DNAH2: variants seen among roughly 807,000 people sequenced by gnomAD.
DNAH2 encodes the protein dynein axonemal heavy chain 2, also known as axonemal beta dynein heavy chain 2.
A neutral mutation model predicts 523.5 loss-of-function variants in DNAH2; 323 were observed. That is an observed-to-expected ratio of 0.62 (90% CI 0.56 to 0.68). The LOEUF is 0.68. DNAH2 is among the 30% of genes least tolerant of loss of function. DNAH2 has a pLI of 0.00. For missense variants in DNAH2, 4,907 were observed against 5,701.5 expected (o/e 0.86, Z 4.49); for synonymous variants, 2,093 against 2,177.4 (o/e 0.96, Z 1.08).
chr17:7,754,609 T>A lies in DNAH2; in HGVS notation c.1905-2482T>A. Reference sequence around the variant, plus strand: ...CCACGTGCCGAGGCTCTCAAGGCCCTCGTAAAGCCCAAGGAGGTTAAGCCC... The same window carrying A: ...CCACGTGCCGAGGCTCTCAAGGCCCACGTAAAGCCCAAGGAGGTTAAGCCC... On this transcript the variant is annotated intron_variant, in intron 12 of 85. Coordinates refer to ENST00000572933, the MANE Select transcript of DNAH2 (RefSeq NM_020877.5). The surrounding 1 kb of genome is among the most constrained non-coding windows in gnomAD (Gnocchi z 4.6). 6.6e-7 allele frequency: 1 copy of A among 1,508,770 alleles called. No individual in the cohort carries two copies. Among genetic ancestry groups the A allele is most frequent in the Non-Finnish European group, 9.1e-7 (1 of 1,100,502 alleles). The allele number at this position is 1,508,770 out of a possible 1,614,324, so 93.5% of individuals were successfully genotyped here. A position where few individuals can be genotyped will look rare whatever the true frequency, so the allele number is the denominator to read the frequency against.
chr17:7,754,597 C>G lies in DNAH2; in HGVS notation c.1905-2494C>G. Reference sequence around the variant, plus strand: ...AAGGCCATGAGTCCACGTGCCGAGGCTCTCAAGGCCCTCGTAAAGCCCAAG... The same window carrying G: ...AAGGCCATGAGTCCACGTGCCGAGGGTCTCAAGGCCCTCGTAAAGCCCAAG... On this transcript the variant is annotated intron_variant, in intron 12 of 85. Coordinates refer to ENST00000572933, the MANE Select transcript of DNAH2 (RefSeq NM_020877.5). The surrounding 1 kb of genome is among the most constrained non-coding windows in gnomAD (Gnocchi z 4.6). 1 of 1,501,914 alleles carries G rather than the reference C, an allele frequency of 6.7e-7. No homozygotes were observed. Among genetic ancestry groups the G allele is most frequent in the Non-Finnish European group, 9.1e-7 (1 of 1,093,984 alleles). 93.0% of individuals were successfully genotyped at this position (1,501,914 alleles called of 1,614,324 possible). A position where few individuals can be genotyped will look rare whatever the true frequency, so the allele number is the denominator to read the frequency against.
At chr17:7,819,887 C>G (rs2077805842) in intron 72 of DNAH2, among the ~76,000 whole-genome samples, 1 of 152,208 alleles carries the variant, frequency 6.6e-6, no homozygotes, top group Admixed American at 6.5e-5. Flanking sequence ...ATTCTCTTCC[C>G]TCTTCCTTCA....
Position 7,828,008 on chromosome 17 carries a change from C to T in DNAH2, c.11854-2292C>T, listed in dbSNP as rs1196885321. 6.6e-6 allele frequency among the ~76,000 whole-genome samples: 1 copy of T among 152,048 alleles called. No individual in the cohort carries two copies. The highest frequency in any genetic ancestry group is 1.5e-5 in the Non-Finnish European group (1 of 68,040). On this transcript the variant is annotated intron_variant, in intron 77 of 85. Transcript: ENST00000572933. The surrounding 1 kb of genome is among the most constrained non-coding windows in gnomAD (Gnocchi z 4.1). ...GGAGTGCACTGGCACCATCTTGGCTCACTGCAACCTCTGCCTCCCAGGCTC... is the reference window on the plus strand; with the variant it reads ...GGAGTGCACTGGCACCATCTTGGCTTACTGCAACCTCTGCCTCCCAGGCTC...
At chr17:7,791,543 A>G (rs545033616) in intron 44 of DNAH2, among the ~76,000 whole-genome samples, 31 of 152,260 alleles carry the variant, frequency 2.0e-4, no homozygotes, top group Non-Finnish European at 2.9e-5. Context: ...CCACTGCTCT[A>G]CTGGTGAACA....
intron 24 of DNAH2, among the ~76,000 whole-genome samples, chr17:7,769,674 A>G (rs938864150): frequency 1.3e-5 from 2 of 152,196 alleles, no homozygotes; most frequent in African/African-American, 4.8e-5. Context: ...ATGGCAGAGG[A>G]TGTATCTCAA....
intron 63 of DNAH2, among the ~76,000 whole-genome samples, chr17:7,809,507 A>G (rs2077454084): frequency 6.6e-6 from 1 of 152,154 alleles, no homozygotes; most frequent in Admixed American, 6.5e-5. Flanking sequence ...AACCTCTCAC[A>G]AAACTTTGCT....
rs1167114124 is a variant in DNAH2, at chr17:7,776,862, A to G, written c.5031A>G (p.Lys1677=). 5 of 1,611,850 alleles carry G rather than the reference A, an allele frequency of 3.1e-6. No individual in the cohort carries two copies. The African/African-American group carries it at 4.0e-5, about 13-fold the overall frequency. ...LLTAKERADK[K]ILKVMKKNQV... The stretch of plus-strand genomic sequence containing the variant: ...CAGCGAAGGAGCGGGCAGACAAGAA[A>G]ATCCTCAAGGTCATGAAGAAGAACC... The change falls in exon 32 of 86, where the codon AAA becomes AAG. Residue 1677 remains lysine, a synonymous_variant. Transcript: ENST00000572933.
chr17:7,719,706 C>T lies in DNAH2; in HGVS notation c.-14-15C>T, dbSNP rs762511104. 12 of 1,614,000 alleles carry T rather than the reference C, an allele frequency of 7.4e-6. No individual in the cohort carries two copies. The highest frequency in any genetic ancestry group is 3.3e-5 in the Admixed American group (2 of 60,000). On this transcript the variant is annotated splice_polypyrimidine_tract_variant and intron_variant, in intron 1 of 85. Coordinates refer to ENST00000572933, the MANE Select transcript of DNAH2 (RefSeq NM_020877.5). ...GGTATCTGCTTGTAGACTCTCCACT[C>T]CTGTATACCTGTAGGTTTTGCCTGC...
At chr17:7,759,754 A>T (rs1266948519) in intron 16 of DNAH2, 37 bp from the exon 17 acceptor site, 5 of 1,613,508 alleles carry the variant, frequency 3.1e-6, no homozygotes, top group Admixed American at 3.3e-5. Context: ...TCCCAGTCCT[A>T]AGGCTTTTCT....
chr17:7,810,752 TTAAG>T (rs1208668258), intron 63 of DNAH2, among the ~76,000 whole-genome samples: 1 of 152,110 alleles, frequency 6.6e-6, no homozygotes, highest in Non-Finnish European at 1.5e-5. Flanking sequence ...GCCAGGCCAA[TTAAG>T]TAAGAATCCC....
intron 23 of DNAH2, 24 bp from the exon 24 acceptor site, chr17:7,768,139 TC>T (rs2076221883): frequency 6.2e-7 from 1 of 1,614,050 alleles, no homozygotes; most frequent in Non-Finnish European, 8.5e-7. Context: ...CGTCGGGTCT[TC>T]TCATGCCCCC....
intron 56 of DNAH2, among the ~76,000 whole-genome samples, chr17:7,799,762 G>C (rs1395571904): frequency 6.6e-6 from 1 of 150,376 alleles, no homozygotes; most frequent in African/African-American, 2.5e-5. Context: ...AGGTTGCAGT[G>C]AGCCGAGATC....
At chr17:7,778,602 ATTTATTT>A (rs2076521833) in intron 35 of DNAH2, 133 bp downstream of exon 35, 2 of 896,316 alleles carry the variant, frequency 2.2e-6, no homozygotes, top group South Asian at 2.7e-5. Context: ...TTATTTATTT[ATTTATTT>A]ATTTTTTGGA....
chr17:7,745,522 A>G (rs1448969038), intron 12 of DNAH2, among the ~76,000 whole-genome samples: 2 of 152,212 alleles, frequency 1.3e-5, no homozygotes, highest in African/African-American at 4.8e-5. Context: ...AAATTTAAAA[A>G]AAATGCCATA....
chr17:7,794,606 C>T (rs2077013300), intron 49 of DNAH2, among the ~76,000 whole-genome samples: 1 of 152,072 alleles, frequency 6.6e-6, no homozygotes, highest in Non-Finnish European at 1.5e-5. Flanking sequence ...ACAGTGAAGC[C>T]CAAGTAGACT....
In DNAH2 at chr17:7,815,669, C is replaced by T. The variant is rs368370275; in HGVS notation, c.9730-902C>T. Reference sequence around the variant, plus strand: ...ACGTATACGGGATCACACACATATACGGGATCACACACACATATATGGGAT... The same window carrying T: ...ACGTATACGGGATCACACACATATATGGGATCACACACACATATATGGGAT... On this transcript the variant is annotated intron_variant, in intron 63 of 85. Coordinates refer to ENST00000572933, the MANE Select transcript of DNAH2 (RefSeq NM_020877.5). 1.8e-4 allele frequency among the ~76,000 whole-genome samples: 27 copies of T among 150,150 alleles called. No homozygotes were observed. In the East Asian group the frequency reaches 2.7e-3, roughly 15 times the overall value.
rs1377203534 is a variant in DNAH2 at position 7,792,052 on chromosome 17, G to A, written c.7036G>A (p.Gly2346Ser). The A allele has an allele frequency of 1.9e-6, 3 of 1,613,534 alleles. No homozygotes were observed. ...RIDSYLREIE[G>S]SFPNKDTVYE... ...CGACAGCTACCTCCGAGAGATCGAG[G>A]GCTCCTTTCCCAATAAGGTTGGGCG... The change falls in exon 45 of 86, where the codon GGC becomes AGC. Residue 2346 changes from glycine (G) to serine (S), a missense_variant. Gly to Ser is a moderately conservative substitution (Grantham distance 56, BLOSUM62 0). Transcript: ENST00000572933.
chr17:7,719,584 A>T, intron 1 of DNAH2, 137 bp from the exon 2 acceptor site: 1 of 1,096,048 alleles, frequency 9.1e-7, no homozygotes, highest in Non-Finnish European at 1.3e-6. Flanking sequence ...TTAATGGAGC[A>T]GGGTGTGGGT....
At position 7,792,761 on chromosome 17, in the gene DNAH2, C is replaced by T; in HGVS notation, c.7250C>T (p.Pro2417Leu). The change falls in exon 47 of 86, where the codon CCC (proline) becomes CTC (leucine). Residue 2417 changes from proline (P) to leucine (L), a missense_variant. This residue lies in a region of DNAH2 where 2,806 missense variants were observed against 3,190.8 expected (regional missense o/e 0.88). Transcript: ENST00000572933. ...ANQNPILLVGPVGTGKTSIAQ... is the reference protein window; with the variant it reads ...ANQNPILLVGLVGTGKTSIAQ... ...CAGAATCCCATTCTGCTGGTGGGTCCCGTGGGGACTGGGAAGACCTCCATC... is the reference window on the plus strand; with the variant it reads ...CAGAATCCCATTCTGCTGGTGGGTCTCGTGGGGACTGGGAAGACCTCCATC... The T allele has an allele frequency of 6.2e-7, 1 of 1,614,156 alleles. No individual in the cohort carries two copies. The highest frequency in any genetic ancestry group is 8.5e-7 in the Non-Finnish European group (1 of 1,180,028).
Sources: allele counts gnomAD v4.1 joint callset (sites outside exome capture counted in the v4.1 genomes callset), GRCh38; gene constraint gnomAD v4.1.1; regional missense constraint gnomAD v4.1.1; non-coding constraint Gnocchi (gnomAD v3.1); transcripts MANE v1.5; gene names NCBI Gene and HGNC (gene_info 2026-07-23, HGNC 2026-07-21).